The following SHQ1 variants were observed in gnomAD, a reference collection of about 807,000 sequenced individuals.
SHQ1 encodes SHQ1, H/ACA ribonucleoprotein assembly factor.
A neutral mutation model predicts 53.8 loss-of-function variants in SHQ1; 49 were observed. The observed-to-expected ratio is 0.91, with a 90% CI of 0.72 to 1.16. The LOEUF is 1.16. SHQ1 is among the 50% of genes most tolerant of loss of function. The pLI, the probability that SHQ1 is intolerant of heterozygous loss-of-function variation, is 0.00. For missense variants in SHQ1, 738 were observed against 683.1 expected, an observed-to-expected ratio of 1.08 and a Z score of -0.90; for synonymous variants, 243 against 251.0, an observed-to-expected ratio of 0.97 and a Z score of 0.30.
At chr3:72,737,639 G>A in the SHQ1 span, among the ~76,000 whole-genome samples, 3 of 152,162 alleles carry the variant, frequency 2.0e-5, no homozygotes, top group Non-Finnish European at 4.4e-5. Flanking sequence ...TCCAGTCATC[G>A]CTAGATTACT....
rs149579083 is a variant in SHQ1 at position 72,811,931 on chromosome 3, A to T, written c.1060+740T>A. Among the ~76,000 whole-genome samples the T allele has an allele frequency of 5.3e-3, 806 of 152,332 alleles. 8 individuals carry two copies. The highest frequency in any genetic ancestry group is 0.018 in the African/African-American group (766 of 41,582). ...TAAGAAATGACCATAAAGTACTAAA[A>T]GTGACTTTTAAATAAATGTGCCAGA... On this transcript the variant is annotated intron_variant, in intron 9 of 10. Transcript: ENST00000325599.
At chr3:72,797,016 G>T (rs1244230091) in intron 9 of SHQ1, among the ~76,000 whole-genome samples, 1 of 151,314 alleles carries the variant, frequency 6.6e-6, no homozygotes, top group Admixed American at 6.6e-5. Context: ...CCAGCACTCT[G>T]GGAGGCCGAG....
chr3:72,826,651 T>G (rs1472213310), intron 5 of SHQ1, among the ~76,000 whole-genome samples: 1 of 152,170 alleles, frequency 6.6e-6, no homozygotes, highest in Non-Finnish European at 1.5e-5. Flanking sequence ...TAAATTAGAA[T>G]GACAGGCAAG....
the SHQ1 span, among the ~76,000 whole-genome samples, chr3:72,729,641 T>A: frequency 2.4e-4 from 37 of 152,312 alleles, no homozygotes; most frequent in South Asian, 7.3e-3. Flanking sequence ...TCTTATTACA[T>A]CTAAACACAA....
rs77325699 is a variant in SHQ1, at chr3:72,833,519, T to C, written c.487-1038A>G. Among the ~76,000 whole-genome samples, 238 of 143,062 alleles carry C rather than the reference T, an allele frequency of 1.7e-3. 2 individuals carry two copies. Among genetic ancestry groups the C allele is most frequent in the African/African-American group, 5.3e-3 (205 of 38,806 alleles). The allele number at this position is 143,062 out of a possible 152,430, so 93.9% of individuals were successfully genotyped here. ...ATAGATAGACAGACAGACAGACAGA[T>C]AGATGGATGATAGACAGATAGATAG... On this transcript the variant is annotated intron_variant, in intron 4 of 10. Transcript: ENST00000325599.
At chr3:72,811,937 T>G (rs1210333524) in intron 9 of SHQ1, among the ~76,000 whole-genome samples, 1 of 152,222 alleles carries the variant, frequency 6.6e-6, no homozygotes, top group African/African-American at 2.4e-5. Context: ...TAAAAGTGAC[T>G]TTTAAATAAA....
In SHQ1 at chr3:72,812,738, G is replaced by GT. The variant is rs767043133; in HGVS notation, c.992dup (p.Tyr331Ter). Residue 331 changes from tyrosine to a stop codon, truncating the protein, a stop_gained and frameshift_variant, in exon 9 of 11, where the codon TAC becomes TAAC. Coordinates refer to ENST00000325599, the MANE Select transcript of SHQ1 (RefSeq NM_018130.3). LOFTEE classifies it high-confidence loss of function. ...CCAGCTTGAAATGGCGATAGAGTGG[G>GT]TAACACAACACCCTTCTTCCAAAAG... The part of the protein sequence containing the change: ...MVSFGRRVLC[Y>*]PLYRHFKLVM... The GT allele has an allele frequency of 6.2e-7, 1 of 1,614,038 alleles. No homozygotes were observed. Among genetic ancestry groups the GT allele is most frequent in the Non-Finnish European group, 8.5e-7 (1 of 1,179,974 alleles).
chr3:72,748,802 T>C (rs539856580), downstream of SHQ1, among the ~76,000 whole-genome samples: 1 of 152,156 alleles, frequency 6.6e-6, no homozygotes, highest in Admixed American at 6.5e-5. Flanking sequence ...ACCCCATCTC[T>C]ATAAAAACTA....
intron 10 of SHQ1, among the ~76,000 whole-genome samples, chr3:72,788,059 C>T (rs994908947): frequency 3.9e-5 from 6 of 152,146 alleles, no homozygotes; most frequent in South Asian, 4.1e-4. Context: ...GATCTCGGCT[C>T]GCTACAACCT....
intron 6 of SHQ1, among the ~76,000 whole-genome samples, chr3:72,818,925 C>G (rs1575720465): frequency 2.6e-5 from 4 of 152,194 alleles, no homozygotes; most frequent in African/African-American, 9.6e-5. Flanking sequence ...CTAAATTCTG[C>G]CAACAATCAT....
At chr3:72,762,904 ACC>A (rs998401239) in intron 10 of SHQ1, among the ~76,000 whole-genome samples, 2 of 151,314 alleles carry the variant, frequency 1.3e-5, no homozygotes, top group Admixed American at 1.3e-4. Flanking sequence ...TGAACCCCTT[ACC>A]TCCGGTGATC....
the SHQ1 span, among the ~76,000 whole-genome samples, chr3:72,739,040 C>A: frequency 6.6e-6 from 1 of 152,358 alleles, no homozygotes; most frequent in Admixed American, 6.5e-5. Flanking sequence ...AGCGGGTTGG[C>A]TCTCAGGGCG....
chr3:72,793,233 C>A lies in SHQ1; in HGVS notation c.1061-197G>T, dbSNP rs150880089. The stretch of plus-strand genomic sequence containing the variant: ...GAATTACATACAATCTTTGGCCAGG[C>A]ACAGTGGCTCACACCTGTAATTCCA... On this transcript the variant is annotated intron_variant, in intron 9 of 10. Coordinates refer to ENST00000325599, the MANE Select transcript of SHQ1 (RefSeq NM_018130.3). The A allele has an allele frequency of 1.9e-4, 82 of 430,526 alleles. 1 individual carries two copies. The highest frequency in any genetic ancestry group is 1.7e-3 in the African/African-American group (81 of 48,348). The allele number at this position is 430,526 out of a possible 1,614,324, so 26.7% of individuals were successfully genotyped here.
At chr3:72,778,960 T>A (rs944166660) in intron 10 of SHQ1, among the ~76,000 whole-genome samples, 2 of 152,220 alleles carry the variant, frequency 1.3e-5, no homozygotes, top group Non-Finnish European at 2.9e-5. Context: ...CTAAAAATCC[T>A]AATTCCCTAG....
chr3:72,744,246 G>A, the SHQ1 span, among the ~76,000 whole-genome samples: 4 of 152,186 alleles, frequency 2.6e-5, no homozygotes, highest in African/African-American at 9.7e-5. Context: ...AGAGCAGTCA[G>A]GAAATGTTTC....
intron 10 of SHQ1, among the ~76,000 whole-genome samples, chr3:72,791,183 TA>T (rs35968814): frequency 6.6e-6 from 1 of 151,834 alleles, no homozygotes; most frequent in South Asian, 2.1e-4. Context: ...TCATCATTCC[TA>T]AAAAAAAGAA....
At chr3:72,841,402 T>C (rs898552566) in intron 3 of SHQ1, among the ~76,000 whole-genome samples, 1 of 150,416 alleles carries the variant, frequency 6.6e-6, no homozygotes, top group Non-Finnish European at 1.5e-5. Context: ...AATGGAATAT[T>C]ACAGAGCAAT....
intron 10 of SHQ1, among the ~76,000 whole-genome samples, chr3:72,783,224 A>T (rs1283783131): frequency 6.6e-6 from 1 of 152,204 alleles, no homozygotes; most frequent in Admixed American, 6.5e-5. Context: ...TACTCCCTAG[A>T]TAAAGGTAGA....
chr3:72,784,136 T>TA lies in SHQ1; in HGVS notation c.1181+8779dup, dbSNP rs76106891. On this transcript the variant is annotated intron_variant, in intron 10 of 10. Transcript: ENST00000325599. ...ACTATTCTAAAATAAAAAGTCTACC[T>TA]AAAAAAAAAAAAGATACAAATTACA... 5.5e-3 allele frequency among the ~76,000 whole-genome samples: 643 copies of TA among 116,988 alleles called. 1 individual carries two copies. Among genetic ancestry groups the TA allele is most frequent in the Middle Eastern group, 0.015 (3 of 204 alleles). 76.7% of individuals were successfully genotyped at this position (116,988 alleles called of 152,430 possible). A position where few individuals can be genotyped will look rare whatever the true frequency, so the allele number is the denominator to read the frequency against.
Sources: gnomAD v4.1 joint callset for allele counts (sites outside exome capture counted in the v4.1 genomes callset) on GRCh38, gnomAD v4.1.1 for gene constraint, MANE v1.5 for transcripts, NCBI Gene and HGNC (gene_info 2026-07-23, HGNC 2026-07-21) for gene names.